UNC119B: variants seen among roughly 807,000 people sequenced by gnomAD.
The protein encoded by UNC119B is unc-119 lipid binding chaperone B.
A neutral mutation model predicts 23.4 loss-of-function variants in UNC119B; 16 were observed. The ratio of observed to expected loss-of-function variants is 0.68; its 90% CI spans 0.46 to 1.04. The LOEUF (loss-of-function observed/expected upper bound fraction) is 1.04, where lower values mean the gene tolerates loss of function less well. Ranked by LOEUF, UNC119B falls within the 50% of genes least tolerant of loss-of-function variation. UNC119B has a pLI of 0.00. For missense variants in UNC119B, 350 were observed against 361.3 expected (o/e 0.97, Z 0.25); for synonymous variants, 144 against 145.4 (o/e 0.99, Z 0.07).
At chr12:120,713,049 G>A (rs1168278489) in intron 1 of UNC119B, among the ~76,000 whole-genome samples, 1 of 152,130 alleles carries the variant, frequency 6.6e-6, no homozygotes, top group Non-Finnish European at 1.5e-5. Context: ...TAAAAGTTTT[G>A]CAATTTTTCA....
chr12:120,713,483 T>G, intron 2 of UNC119B, 96 bp downstream of exon 2: 1 of 890,370 alleles, frequency 1.1e-6, no homozygotes, highest in Non-Finnish European at 1.8e-6. Flanking sequence ...TTTCTTGGAC[T>G]CCAGTGTGTC....
rs191399667 is a variant in UNC119B, at chr12:120,716,211, C to G, written c.359-417C>G. On this transcript the variant is annotated intron_variant, in intron 2 of 4. Transcript: ENST00000344651. ...GAATAGAATAGACCATGTCAGAGGC[C>G]CAGTTCCCAGCTTGTGTTTCAGGTT... 9.2e-4 allele frequency among the ~76,000 whole-genome samples: 140 copies of G among 152,222 alleles called. No individual in the cohort carries two copies. The Middle Eastern group carries it at 0.01, about 11-fold the overall frequency.
chr12:120,713,657 C>T (rs1420693247), intron 2 of UNC119B, among the ~76,000 whole-genome samples: 1 of 152,194 alleles, frequency 6.6e-6, no homozygotes, highest in African/African-American at 2.4e-5. Context: ...TGAGGAATTA[C>T]TGTTATCTCT....
intron 4 of UNC119B, among the ~76,000 whole-genome samples, chr12:120,718,119 C>T (rs773318458): frequency 1.3e-5 from 2 of 152,180 alleles, no homozygotes; most frequent in African/African-American, 2.4e-5. Context: ...CCGCCTGCTT[C>T]GGCCTCCCAA....
rs928781534 is a variant in UNC119B, at chr12:120,713,400, G to A, written c.358+13G>A. The A allele has an allele frequency of 5.0e-6, 8 of 1,591,182 alleles. No individual in the cohort carries two copies. The highest frequency in any genetic ancestry group is 1.7e-5 in the Admixed American group (1 of 59,214). On this transcript the variant is annotated intron_variant, in intron 2 of 4. Coordinates refer to ENST00000344651, the MANE Select transcript of UNC119B (RefSeq NM_001080533.3). The stretch of plus-strand genomic sequence containing the variant: ...CCTTGCGTTTCAGGTAGGCCTCTAC[G>A]TTGTGGTGACCACTAGACAGTTTTG...
Position 120,716,870 on chromosome 12 carries a change from G to C in UNC119B, c.471G>C (p.Thr157=), listed in dbSNP as rs1882790831. The C allele has an allele frequency of 6.2e-7, 1 of 1,608,110 alleles. No individual in the cohort carries two copies. Among genetic ancestry groups the C allele is most frequent in the African/African-American group, 1.3e-5 (1 of 74,808 alleles). ...GGGCTTACAGAGATTTATTTTCCAG[G>C]GTGGAGTTCACAGTGGGAGACAAAC... ...AFLRLRTVGA[T]VEFTVGDKPV... Residue 157 remains threonine, a splice_region_variant and synonymous_variant, in exon 4 of 5, where the codon ACG becomes ACC. Coordinates refer to ENST00000344651, the MANE Select transcript of UNC119B (RefSeq NM_001080533.3).
At chr12:120,715,878 G>A (rs1383284200) in intron 2 of UNC119B, among the ~76,000 whole-genome samples, 3 of 152,118 alleles carry the variant, frequency 2.0e-5, no homozygotes, top group Admixed American at 1.3e-4. Flanking sequence ...TTCAGGAATG[G>A]ACTAGACCGG....
At chr12:120,717,282 CT>C (rs1053137301) in intron 4 of UNC119B, among the ~76,000 whole-genome samples, 3 of 152,022 alleles carry the variant, frequency 2.0e-5, no homozygotes, top group East Asian at 1.9e-4. Flanking sequence ...TTTTTTTCCC[CT>C]GAGACAGAGT....
chr12:120,719,686 T>A (rs956459518), intron 4 of UNC119B, among the ~76,000 whole-genome samples: 12 of 151,898 alleles, frequency 7.9e-5, no homozygotes, highest in African/African-American at 2.7e-4. Flanking sequence ...TGGTGGAGAG[T>A]TGATTGCATC....
chr12:120,714,431 C>G (rs922907011), intron 2 of UNC119B, among the ~76,000 whole-genome samples: 4 of 152,156 alleles, frequency 2.6e-5, no homozygotes, highest in African/African-American at 9.7e-5. Flanking sequence ...AGAGCTTCTC[C>G]TGCCTCAGCC....
At position 120,723,261 on chromosome 12, in the gene UNC119B, C is replaced by G. The variant is rs1044550720; in HGVS notation, c.*3229C>G. 6.5e-6 allele frequency: 1 copy of G among 154,584 alleles called. No homozygotes were observed. Among genetic ancestry groups the G allele is most frequent in the Admixed American group, 6.5e-5 (1 of 15,284 alleles). The allele number at this position is 154,584 out of a possible 1,614,324, so 9.6% of individuals were successfully genotyped here. Reference sequence around the variant, plus strand: ...AGGACTGACTCCTCACCCCAGTGCACGAGGATTCCTGTGGCATCAGGTGCT... The same window carrying G: ...AGGACTGACTCCTCACCCCAGTGCAGGAGGATTCCTGTGGCATCAGGTGCT... On this transcript the variant is annotated 3_prime_UTR_variant, in exon 5 of 5. Coordinates refer to ENST00000344651, the MANE Select transcript of UNC119B (RefSeq NM_001080533.3).
intron 1 of UNC119B, chr12:120,710,945 ACGCTAGG>A: frequency 4.7e-6 from 1 of 214,660 alleles, no homozygotes; most frequent in Non-Finnish European, 7.4e-6. Flanking sequence ...GAGTCCGGCC[ACGCTAGG>A]ATGCCCTTCG....
At chr12:120,710,868 T>C (rs201006255) in intron 1 of UNC119B, 150 bp downstream of exon 1, 4 of 688,824 alleles carry the variant, frequency 5.8e-6, no homozygotes, top group East Asian at 4.0e-5. Flanking sequence ...CCGGCCGGGC[T>C]TTGCTCCCGC....
rs2136933727 is a variant in UNC119B, at chr12:120,720,385, C to T, written c.*353C>T. On this transcript the variant is annotated 3_prime_UTR_variant, in exon 5 of 5. Coordinates refer to ENST00000344651, the MANE Select transcript of UNC119B (RefSeq NM_001080533.3). ...CATAGCTGTGCCTGGTGAGAAGGCT[C>T]TGGCCAGGCCCACCAGCAGGTCAGC... 1 of 195,128 alleles carries T rather than the reference C, an allele frequency of 5.1e-6. No homozygotes were observed. The highest frequency in any genetic ancestry group is 2.4e-5 in the African/African-American group (1 of 42,508). 12.1% of individuals were successfully genotyped at this position (195,128 alleles called of 1,614,324 possible).
rs1592929814 is a variant in UNC119B, at chr12:120,721,276, A to G, written c.*1244A>G. 2.0e-5 allele frequency: 3 copies of G among 152,332 alleles called. No homozygotes were observed. Among genetic ancestry groups the G allele is most frequent in the East Asian group, 1.9e-4 (1 of 5,186 alleles). The allele number at this position is 152,332 out of a possible 1,614,324, so 9.4% of individuals were successfully genotyped here. On this transcript the variant is annotated 3_prime_UTR_variant, in exon 5 of 5. Transcript: ENST00000344651. ...GGCCTGTCAGAGTGATGTGTTCTCAAAAAAGTTCACTTGCACATCTGTGGG... is the reference window on the plus strand; with the variant it reads ...GGCCTGTCAGAGTGATGTGTTCTCAGAAAAGTTCACTTGCACATCTGTGGG...
In UNC119B at chr12:120,713,406, G is replaced by A. The variant is rs1313944123; in HGVS notation, c.358+19G>A. 6.4e-7 allele frequency: 1 copy of A among 1,574,114 alleles called. No homozygotes were observed. The highest frequency in any genetic ancestry group is 8.7e-7 in the Non-Finnish European group (1 of 1,145,584). On this transcript the variant is annotated intron_variant, in intron 2 of 4. Coordinates refer to ENST00000344651, the MANE Select transcript of UNC119B (RefSeq NM_001080533.3). ...GTTTCAGGTAGGCCTCTACGTTGTG[G>A]TGACCACTAGACAGTTTTGAGCCAA...
chr12:120,712,260 A>G (rs1027422500), intron 1 of UNC119B, among the ~76,000 whole-genome samples: 1 of 152,190 alleles, frequency 6.6e-6, no homozygotes, highest in Non-Finnish European at 1.5e-5. Context: ...TTATTTGAGT[A>G]CCCTCTAAGA....
chr12:120,717,907 T>C (rs1449166417), intron 4 of UNC119B, among the ~76,000 whole-genome samples: 1 of 151,200 alleles, frequency 6.6e-6, no homozygotes, highest in African/African-American at 2.4e-5. Context: ...GTCTTGATCT[T>C]GTCACCCAGG....
intron 4 of UNC119B, among the ~76,000 whole-genome samples, chr12:120,717,663 A>G (rs923422464): frequency 2.0e-5 from 3 of 148,014 alleles, no homozygotes; most frequent in African/African-American, 5.0e-5. Context: ...CCTGGGTTCA[A>G]GTGATTCTCC....
Sources: gnomAD v4.1 joint callset for allele counts (sites outside exome capture counted in the v4.1 genomes callset) on GRCh38, gnomAD v4.1.1 for gene constraint, MANE v1.5 for transcripts, NCBI Gene and HGNC (gene_info 2026-07-23, HGNC 2026-07-21) for gene names.